The following KCTD16 variants were observed in gnomAD, a reference collection of about 807,000 sequenced individuals.
The protein encoded by KCTD16 is BTB/POZ domain-containing protein KCTD16.
In KCTD16, 13 loss-of-function variants were observed where a neutral mutation model predicts 33.2. The ratio of observed to expected loss-of-function variants is 0.39; its 90% CI spans 0.25 to 0.62. The LOEUF is 0.62. Ranked by LOEUF, KCTD16 falls within the 20% of genes least tolerant of loss-of-function variation. The pLI, the probability that KCTD16 is intolerant of heterozygous loss-of-function variation, is 0.50. For synonymous variants in KCTD16, 197 were observed against 195.3 expected (o/e 1.01, Z -0.07); for missense variants, 441 against 525.1 (o/e 0.84, Z 1.57).
intron 3 of KCTD16, among the ~76,000 whole-genome samples, chr5:144,220,621 G>A (rs986959569): frequency 6.6e-6 from 1 of 152,062 alleles, no homozygotes; most frequent in South Asian, 2.1e-4. Flanking sequence ...GTATGTAGGT[G>A]TATATAATAG....
intron 3 of KCTD16, among the ~76,000 whole-genome samples, chr5:144,383,325 G>A (rs1352719454): frequency 6.6e-6 from 1 of 152,090 alleles, no homozygotes; most frequent in Admixed American, 6.6e-5. Flanking sequence ...CTGCCATTTT[G>A]ACCTTTCTTT....
At position 144,254,838 on chromosome 5, in the gene KCTD16, C is replaced by T. The variant is rs117143080; in HGVS notation, c.832+47292C>T. 2.6e-3 allele frequency among the ~76,000 whole-genome samples: 395 copies of T among 152,198 alleles called. 8 individuals carry two copies. The East Asian group carries it at 0.053, about 21-fold the overall frequency. ...GCAGTGGTGTAATCACAGTTCACTG[C>T]GGCCTCTACCTCCTGGATTCATGCG... is the stretch of plus-strand genomic sequence containing the variant. On this transcript the variant is annotated intron_variant, in intron 3 of 3. Coordinates refer to ENST00000512467, the MANE Select transcript of KCTD16 (RefSeq NM_020768.4).
chr5:144,273,740 A>G (rs1413728433), intron 3 of KCTD16, among the ~76,000 whole-genome samples: 1 of 150,566 alleles, frequency 6.6e-6, no homozygotes, highest in African/African-American at 2.4e-5. Context: ...AATTATAGAG[A>G]CAGAAAGTAG....
At chr5:144,409,638 C>G (rs973586135) in intron 3 of KCTD16, among the ~76,000 whole-genome samples, 2 of 151,978 alleles carry the variant, frequency 1.3e-5, no homozygotes, top group African/African-American at 4.8e-5. Context: ...GTGGGCAGAT[C>G]ACCCGAGGTC....
chr5:144,361,948 GA>G (rs1235043383), intron 3 of KCTD16, among the ~76,000 whole-genome samples: 2 of 139,142 alleles, frequency 1.4e-5, no homozygotes, highest in African/African-American at 5.4e-5. Context: ...GTGTGTGTGT[GA>G]TATATTTATC....
intron 3 of KCTD16, among the ~76,000 whole-genome samples, chr5:144,417,249 A>G (rs554510479): frequency 1.2e-4 from 19 of 152,102 alleles, no homozygotes; most frequent in Non-Finnish European, 2.8e-4. Flanking sequence ...GAGAGTTCTA[A>G]TTTCTTTACC....
rs1277072827 is a variant in KCTD16, at chr5:144,419,152, TG to T, written c.833-54507del. ...AGAAGTTATTTCCATTGTGCCCATT[TG>T]ACACATATTTCTTGCTCAGTTTCTG... On this transcript the variant is annotated intron_variant, in intron 3 of 3. Coordinates refer to ENST00000512467, the MANE Select transcript of KCTD16 (RefSeq NM_020768.4). Among the ~76,000 whole-genome samples the T allele has an allele frequency of 2.6e-5, 4 of 152,190 alleles. No homozygotes were observed. In the East Asian group the frequency reaches 7.7e-4, roughly 29 times the overall value.
chr5:144,330,453 T>A (rs1261668870), intron 3 of KCTD16, among the ~76,000 whole-genome samples: 1 of 151,426 alleles, frequency 6.6e-6, no homozygotes, highest in African/African-American at 2.4e-5. Context: ...AGGCTTTATT[T>A]ACTGGGATTA....
intron 3 of KCTD16, among the ~76,000 whole-genome samples, chr5:144,209,597 C>T (rs903457724): frequency 3.9e-5 from 6 of 151,900 alleles, no homozygotes; most frequent in African/African-American, 1.5e-4. Context: ...ATAACAGCTT[C>T]CGTGCAGCTG....
chr5:144,326,105 C>G (rs1752201395), intron 3 of KCTD16, among the ~76,000 whole-genome samples: 1 of 152,136 alleles, frequency 6.6e-6, no homozygotes, highest in Non-Finnish European at 1.5e-5. Flanking sequence ...GAACTCAACT[C>G]AGGTCATCCA....
At chr5:144,465,202 T>G (rs1394415629) in intron 3 of KCTD16, among the ~76,000 whole-genome samples, 1 of 123,058 alleles carries the variant, frequency 8.1e-6, no homozygotes, top group African/African-American at 3.1e-5. Flanking sequence ...TCTCTCTCAC[T>G]CTCTCTCTCT....
intron 3 of KCTD16, among the ~76,000 whole-genome samples, chr5:144,260,643 G>A (rs978794886): frequency 1.3e-5 from 2 of 152,120 alleles, no homozygotes; most frequent in African/African-American, 4.8e-5. Flanking sequence ...GGTCCAAAAA[G>A]ACATAAATGA....
At chr5:144,364,779 C>T (rs1286519042) in intron 3 of KCTD16, among the ~76,000 whole-genome samples, 1 of 152,174 alleles carries the variant, frequency 6.6e-6, no homozygotes, top group African/African-American at 2.4e-5. Context: ...AGTAAAACAA[C>T]AGAAGATAAA....
At chr5:144,330,602 CAAT>C (rs1561569836) in intron 3 of KCTD16, among the ~76,000 whole-genome samples, 2 of 151,732 alleles carry the variant, frequency 1.3e-5, no homozygotes, top group Non-Finnish European at 2.9e-5. Context: ...TTCTTAAATA[CAAT>C]AATAATAATA....
chr5:144,192,186 A>G (rs2126780667), intron 2 of KCTD16, among the ~76,000 whole-genome samples: 1 of 152,268 alleles, frequency 6.6e-6, no homozygotes, highest in East Asian at 1.9e-4. Context: ...GGTGACTTTC[A>G]GTTTCTCTTC....
chr5:144,187,585 G>T (rs533762126), intron 2 of KCTD16, among the ~76,000 whole-genome samples: 3 of 152,276 alleles, frequency 2.0e-5, no homozygotes, highest in African/African-American at 7.2e-5. Flanking sequence ...AGGAAAATAT[G>T]AAAATGAGTT....
At chr5:144,417,532 T>C (rs1183016243) in intron 3 of KCTD16, among the ~76,000 whole-genome samples, 1 of 152,186 alleles carries the variant, frequency 6.6e-6, no homozygotes, top group Non-Finnish European at 1.5e-5. Flanking sequence ...GATAGATGAT[T>C]TGCAGTATTT....
intron 3 of KCTD16, among the ~76,000 whole-genome samples, chr5:144,333,549 G>A (rs920031400): frequency 6.6e-6 from 1 of 152,134 alleles, no homozygotes; most frequent in Non-Finnish European, 1.5e-5. Context: ...TTTGTGGTCA[G>A]CTGCAGGTGG....
intron 3 of KCTD16, among the ~76,000 whole-genome samples, chr5:144,440,282 T>C (rs1753674694): frequency 6.6e-6 from 1 of 152,220 alleles, no homozygotes; most frequent in Non-Finnish European, 1.5e-5. Context: ...ATGTGGCTGA[T>C]TGCAAATGCA....
Sources: gnomAD v4.1 joint callset for allele counts (sites outside exome capture counted in the v4.1 genomes callset) on GRCh38, gnomAD v4.1.1 for gene constraint, MANE v1.5 for transcripts, NCBI Gene and HGNC (gene_info 2026-07-23, HGNC 2026-07-21) for gene names.